OR9Q1: variants seen among roughly 807,000 people sequenced by gnomAD.
The protein encoded by OR9Q1 is olfactory receptor family 9 subfamily Q member 1.
For synonymous variants in OR9Q1, 153 were observed against 148.6 expected (o/e 1.03, Z -0.22); for missense variants, 374 against 378.8 (o/e 0.99, Z 0.11).
chr11:58,066,333 T>A (rs1853429278), intron 2 of OR9Q1, among the ~76,000 whole-genome samples: 1 of 152,074 alleles, frequency 6.6e-6, no homozygotes, highest in African/African-American at 2.4e-5. Context: ...CCATGGACAC[T>A]GTGAGAGCAA....
chr11:58,069,873 C>G (rs1437579636), intron 2 of OR9Q1, among the ~76,000 whole-genome samples: 2 of 146,340 alleles, frequency 1.4e-5, no homozygotes, highest in African/African-American at 5.3e-5. Flanking sequence ...CTATCTCAAA[C>G]AACAAAAAAC....
At chr11:58,096,518 A>G (rs1271766140) in intron 2 of OR9Q1, among the ~76,000 whole-genome samples, 1 of 151,854 alleles carries the variant, frequency 6.6e-6, no homozygotes, top group Non-Finnish European at 1.5e-5. Context: ...GTAATATATA[A>G]TGTTTTAATT....
rs1375748116 is a variant in OR9Q1 at position 58,139,955 on chromosome 11, G to C, written c.-14-39476G>C. Among the ~76,000 whole-genome samples the C allele has an allele frequency of 3.4e-5, 5 of 146,090 alleles. No individual in the cohort carries two copies. The East Asian group carries it at 1.1e-3, about 31-fold the overall frequency. ...TCCTCTCCAGCACCTGTTGTTTCCTGACTTTTTAATGATCGCCATTCTAAC... is the reference window on the plus strand; with the variant it reads ...TCCTCTCCAGCACCTGTTGTTTCCTCACTTTTTAATGATCGCCATTCTAAC... On this transcript the variant is annotated intron_variant, in intron 2 of 2. Coordinates refer to ENST00000335397, the MANE Select transcript of OR9Q1 (RefSeq NM_001005212.4).
At chr11:58,081,217 C>G (rs1590577445) in intron 2 of OR9Q1, among the ~76,000 whole-genome samples, 1 of 152,170 alleles carries the variant, frequency 6.6e-6, no homozygotes, top group Admixed American at 6.5e-5. Flanking sequence ...CAGTCTATCA[C>G]TGAAAGACAT....
At chr11:58,167,374 G>A (rs1453697478) in intron 2 of OR9Q1, among the ~76,000 whole-genome samples, 2 of 151,842 alleles carry the variant, frequency 1.3e-5, no homozygotes, top group African/African-American at 2.4e-5. Context: ...AAACTTTGGG[G>A]TTTATTTTGG....
At chr11:58,152,555 A>AT (rs1163316463) in intron 2 of OR9Q1, among the ~76,000 whole-genome samples, 1 of 152,046 alleles carries the variant, frequency 6.6e-6, no homozygotes, top group Non-Finnish European at 1.5e-5. Context: ...TCTTTTGTAA[A>AT]TTTTTTATGT....
intron 2 of OR9Q1, among the ~76,000 whole-genome samples, chr11:58,170,263 G>T (rs924302406): frequency 9.9e-5 from 15 of 152,014 alleles, no homozygotes; most frequent in Admixed American, 2.0e-4. Flanking sequence ...CCTTCTTAAG[G>T]ATCCAGGCAA....
chr11:58,034,422 T>C lies in OR9Q1; in HGVS notation c.-93+10318T>C, dbSNP rs151008745. Among the ~76,000 whole-genome samples, 443 of 152,262 alleles carry C rather than the reference T, an allele frequency of 2.9e-3. 3 individuals are homozygous for C. The highest frequency in any genetic ancestry group is 0.01 in the African/African-American group (418 of 41,550). On this transcript the variant is annotated intron_variant, in intron 1 of 2. Coordinates refer to ENST00000335397, the MANE Select transcript of OR9Q1 (RefSeq NM_001005212.4). ...TTTTTAATTGCCTGTGAACTAATAA[T>C]GATTTTTACATTTTTAAATGGTTGA...
At chr11:58,135,971 C>T (rs1027095122) in intron 2 of OR9Q1, among the ~76,000 whole-genome samples, 9 of 152,212 alleles carry the variant, frequency 5.9e-5, no homozygotes, top group Admixed American at 2.0e-4. Context: ...TAGCCCAGTG[C>T]TTTCGCTGCC....
chr11:58,062,584 C>A (rs937633891), intron 2 of OR9Q1, among the ~76,000 whole-genome samples: 3 of 152,168 alleles, frequency 2.0e-5, no homozygotes, highest in Non-Finnish European at 4.4e-5. Context: ...AGGATGTAGG[C>A]ATCTTCTCTC....
chr11:58,165,506 G>A (rs1399176668), intron 2 of OR9Q1, among the ~76,000 whole-genome samples: 1 of 152,156 alleles, frequency 6.6e-6, no homozygotes, highest in Non-Finnish European at 1.5e-5. Context: ...TTGGCTAATT[G>A]TTTGCTCCTG....
At chr11:58,095,144 A>G (rs371904252) in intron 2 of OR9Q1, among the ~76,000 whole-genome samples, 11 of 152,336 alleles carry the variant, frequency 7.2e-5, no homozygotes, top group Middle Eastern at 3.4e-3. Context: ...AGAGCTTTCA[A>G]ACTACCCTCT....
At chr11:58,028,580 A>G (rs1243873752) in intron 1 of OR9Q1, among the ~76,000 whole-genome samples, 1 of 152,160 alleles carries the variant, frequency 6.6e-6, no homozygotes, top group Non-Finnish European at 1.5e-5. Context: ...CTTCTAGAGC[A>G]TCTGTGTGCA....
rs1322706824 is a variant in OR9Q1, at chr11:58,031,134, T to C, written c.-93+7030T>C. 8 of 1,614,100 alleles carry C rather than the reference T, an allele frequency of 5.0e-6. No individual in the cohort carries two copies. In the East Asian group the frequency reaches 1.1e-4, roughly 22 times the overall value. On this transcript the variant is annotated intron_variant, in intron 1 of 2. Coordinates refer to ENST00000335397, the MANE Select transcript of OR9Q1 (RefSeq NM_001005212.4). Reference sequence around the variant, plus strand: ...TTGGACCACCGACTACGGAGACCCATGTATTTCTTCCTGACACACTTGTCC... The same window carrying C: ...TTGGACCACCGACTACGGAGACCCACGTATTTCTTCCTGACACACTTGTCC...
intron 2 of OR9Q1, chr11:58,060,169 T>C (rs910916302): frequency 6.6e-6 from 1 of 152,230 alleles, no homozygotes; most frequent in African/African-American, 2.4e-5. Flanking sequence ...CTTCCGACTG[T>C]GGCTGTCCTT....
At chr11:58,090,246 C>T (rs550219667) in intron 2 of OR9Q1, among the ~76,000 whole-genome samples, 7 of 152,242 alleles carry the variant, frequency 4.6e-5, no homozygotes, top group Admixed American at 6.5e-5. Flanking sequence ...GGAATGCTTC[C>T]GGCTTTTGCC....
At chr11:58,027,347 A>G (rs1852985532) in intron 1 of OR9Q1, among the ~76,000 whole-genome samples, 1 of 152,168 alleles carries the variant, frequency 6.6e-6, no homozygotes, top group African/African-American at 2.4e-5. Context: ...TTTTTCGCTC[A>G]TGTAACAGTC....
intron 2 of OR9Q1, among the ~76,000 whole-genome samples, chr11:58,134,520 C>T (rs1235903693): frequency 6.6e-6 from 1 of 152,140 alleles, no homozygotes; most frequent in African/African-American, 2.4e-5. Flanking sequence ...CTCTAAGTTC[C>T]AAGAGTCTAC....
intron 2 of OR9Q1, among the ~76,000 whole-genome samples, chr11:58,097,888 G>T (rs1853746654): frequency 6.6e-6 from 1 of 152,176 alleles, no homozygotes; most frequent in Non-Finnish European, 1.5e-5. Flanking sequence ...GTGTAAAATT[G>T]TAAAAAATGC....
Sources: gnomAD v4.1 joint callset for allele counts (sites outside exome capture counted in the v4.1 genomes callset) on GRCh38, gnomAD v4.1.1 for gene constraint, MANE v1.5 for transcripts, NCBI Gene and HGNC (gene_info 2026-07-23, HGNC 2026-07-21) for gene names.